LIX1: variants seen among roughly 807,000 people sequenced by gnomAD.
LIX1 encodes limb and CNS expressed 1, also known as protein limb expression 1 homolog.
Under a neutral mutation model 33.4 loss-of-function variants are expected in LIX1, and 24 were observed. The observed-to-expected ratio is 0.72, with a 90% CI of 0.52 to 1.01. LIX1 has a LOEUF of 1.01. LIX1 is among the 50% of genes least tolerant of loss of function. The pLI, the probability that LIX1 is intolerant of heterozygous loss-of-function variation, is 0.00. For synonymous variants in LIX1, 124 were observed against 124.0 expected (o/e 1.00, Z 0.00); for missense variants, 311 against 339.2 (o/e 0.92, Z 0.65).
At chr5:97,116,806 T>G (rs1247987213) in intron 2 of LIX1, among the ~76,000 whole-genome samples, 1 of 151,756 alleles carries the variant, frequency 6.6e-6, no homozygotes, top group East Asian at 1.9e-4. Flanking sequence ...GATGGGGGAG[T>G]TAGGGAGAGA....
rs771382859 is a variant in LIX1, at chr5:97,111,330, A to AT, written c.247-3831dup. Among the ~76,000 whole-genome samples, 4 of 152,058 alleles carry AT rather than the reference A, an allele frequency of 2.6e-5. 1 individual carries two copies. Among genetic ancestry groups the AT allele is most frequent in the African/African-American group, 9.7e-5 (4 of 41,400 alleles). On this transcript the variant is annotated intron_variant, in intron 2 of 5. Coordinates refer to ENST00000274382, the MANE Select transcript of LIX1 (RefSeq NM_153234.5). Reference sequence around the variant, plus strand: ...AAAGAATGAAAGATATATACTTTTTATTTTTTTTAAATGAGCGCAATTTCA... The same window carrying AT: ...AAAGAATGAAAGATATATACTTTTTATTTTTTTTTAAATGAGCGCAATTTCA...
chr5:97,125,519 AC>A (rs1398766197), intron 1 of LIX1, among the ~76,000 whole-genome samples: 1 of 152,200 alleles, frequency 6.6e-6, no homozygotes, highest in Non-Finnish European at 1.5e-5. Context: ...ACTTGCCACA[AC>A]CTGAGGCAGC....
chr5:97,130,297 T>C (rs555105896), intron 1 of LIX1, among the ~76,000 whole-genome samples: 2 of 152,344 alleles, frequency 1.3e-5, no homozygotes, highest in South Asian at 2.1e-4. Flanking sequence ...CACCTCAGGG[T>C]CAGGAAGCTA....
At chr5:97,130,704 G>A (rs1369479068) in intron 1 of LIX1, among the ~76,000 whole-genome samples, 1 of 152,214 alleles carries the variant, frequency 6.6e-6, no homozygotes, top group Non-Finnish European at 1.5e-5. Flanking sequence ...GAAGTAGAAG[G>A]AGACATAAGT....
chr5:97,136,286 C>G lies in LIX1; in HGVS notation c.82+6209G>C, dbSNP rs564335205. ...ACTTTCTTGATGCTGTCTTCTGTAT[C>G]ATCTGGCTATCAACTTAACCCTGCA... On this transcript the variant is annotated intron_variant, in intron 1 of 5. Transcript: ENST00000274382. 2.9e-3 allele frequency among the ~76,000 whole-genome samples: 436 copies of G among 152,322 alleles called. 3 individuals carry two copies. Among genetic ancestry groups the G allele is most frequent in the Middle Eastern group, 0.024 (7 of 294 alleles).
intron 4 of LIX1, chr5:97,101,618 A>G (rs933240624): frequency 3.3e-5 from 5 of 152,176 alleles, no homozygotes; most frequent in African/African-American, 1.2e-4. Context: ...TTATTTTGTC[A>G]TTCATTTCAT....
intron 3 of LIX1, 48 bp from the exon 4 acceptor site, chr5:97,105,333 T>C: frequency 6.8e-7 from 1 of 1,480,060 alleles, no homozygotes; most frequent in Non-Finnish European, 9.4e-7. Context: ...TTTCCTCCTC[T>C]TCTTTGAATG....
At chr5:97,126,486 A>G (rs1435522362) in intron 1 of LIX1, among the ~76,000 whole-genome samples, 2 of 152,190 alleles carry the variant, frequency 1.3e-5, no homozygotes, top group African/African-American at 2.4e-5. Flanking sequence ...TAATTTAAGA[A>G]GTGATTTGGG....
At chr5:97,122,648 C>T (rs1173849975) in intron 2 of LIX1, among the ~76,000 whole-genome samples, 3 of 152,126 alleles carry the variant, frequency 2.0e-5, no homozygotes, top group African/African-American at 4.8e-5. Flanking sequence ...TATTCAGTGG[C>T]TCAGTTTTAG....
rs369394815 is a variant in LIX1, at chr5:97,130,722, G to A, written c.83-6093C>T. Among the ~76,000 whole-genome samples the A allele has an allele frequency of 7.7e-4, 117 of 152,304 alleles. 1 individual carries two copies. The South Asian group carries it at 0.021, about 28-fold the overall frequency. On this transcript the variant is annotated intron_variant, in intron 1 of 5. Transcript: ENST00000274382. The stretch of plus-strand genomic sequence containing the variant: ...GTAGAAGGAGACATAAGTGTTAGGA[G>A]GAATATTAATAATAGCATGAAATCC...
intron 2 of LIX1, among the ~76,000 whole-genome samples, chr5:97,122,657 A>T (rs979403786): frequency 6.6e-6 from 1 of 152,098 alleles, no homozygotes; most frequent in Non-Finnish European, 1.5e-5. Flanking sequence ...GCTCAGTTTT[A>T]GTTGTCCTTC....
At chr5:97,124,097 G>C (rs921225063) in intron 2 of LIX1, among the ~76,000 whole-genome samples, 5 of 152,168 alleles carry the variant, frequency 3.3e-5, no homozygotes, top group African/African-American at 1.2e-4. Context: ...TATGACGTTA[G>C]TCTTAAAAAT....
At chr5:97,138,285 TA>T (rs1254084498) in intron 1 of LIX1, among the ~76,000 whole-genome samples, 1 of 152,224 alleles carries the variant, frequency 6.6e-6, no homozygotes, top group African/African-American at 2.4e-5. Context: ...AGATACTTTT[TA>T]AACAATCTTT....
intron 2 of LIX1, 88 bp from the exon 3 acceptor site, chr5:97,107,588 A>G (rs974682641): frequency 1.5e-6 from 2 of 1,355,646 alleles, no homozygotes; most frequent in Non-Finnish European, 1.0e-6. Context: ...GGACATTTCT[A>G]TTTATACATT....
At chr5:97,107,199 A>G (rs1204824014) in intron 3 of LIX1, among the ~76,000 whole-genome samples, 161 bp downstream of exon 3, 2 of 152,200 alleles carry the variant, frequency 1.3e-5, no homozygotes, top group African/African-American at 4.8e-5. Context: ...ATGATTTCCA[A>G]TTTAAGTATT....
intron 2 of LIX1, among the ~76,000 whole-genome samples, chr5:97,108,513 G>T (rs1474843407): frequency 6.6e-6 from 1 of 152,126 alleles, no homozygotes; most frequent in Non-Finnish European, 1.5e-5. Flanking sequence ...GTTTGGCATC[G>T]TTCCTGGGGT....
chr5:97,117,788 A>G (rs918462786), intron 2 of LIX1, among the ~76,000 whole-genome samples: 5 of 152,206 alleles, frequency 3.3e-5, no homozygotes, highest in African/African-American at 1.2e-4. Flanking sequence ...TGGCATAAAA[A>G]TCAAAACCCA....
At chr5:97,142,195 C>T (rs186434085) in intron 1 of LIX1, among the ~76,000 whole-genome samples, 1 of 152,200 alleles carries the variant, frequency 6.6e-6, no homozygotes, top group Non-Finnish European at 1.5e-5. Context: ...CACCAGTCAG[C>T]TTTGCTTTAC....
chr5:97,123,432 G>T (rs1747833457), intron 2 of LIX1, among the ~76,000 whole-genome samples: 1 of 152,180 alleles, frequency 6.6e-6, no homozygotes, highest in South Asian at 2.1e-4. Context: ...TGAAGGTGAA[G>T]AGACTTCATT....
Sources: gnomAD v4.1 joint callset for allele counts (sites outside exome capture counted in the v4.1 genomes callset) on GRCh38, gnomAD v4.1.1 for gene constraint, MANE v1.5 for transcripts, NCBI Gene and HGNC (gene_info 2026-07-23, HGNC 2026-07-21) for gene names.